Variants in CPLX1 observed in about 807,000 individuals in gnomAD.
CPLX1 encodes complexin 1.
A neutral mutation model predicts 15.6 loss-of-function variants in CPLX1; 6 were observed. The observed-to-expected ratio is 0.39, with a 90% CI of 0.21 to 0.76. The LOEUF (loss-of-function observed/expected upper bound fraction) is 0.76, where lower values mean the gene tolerates loss of function less well. Among genes scored for constraint, CPLX1 ranks in the 30% least tolerant of loss-of-function variants. The pLI, the probability that CPLX1 is intolerant of heterozygous loss-of-function variation, is 0.43. For missense variants in CPLX1, 242 were observed against 188.6 expected (o/e 1.28, Z -1.66); for synonymous variants, 91 against 75.2 (o/e 1.21, Z -1.08).
intron 2 of CPLX1, among the ~76,000 whole-genome samples, chr4:821,622 T>C (rs1277701395): frequency 2.0e-5 from 3 of 152,208 alleles, no homozygotes; most frequent in Non-Finnish European, 4.4e-5. Context: ...CTTTCTGGCC[T>C]GAGGAAACCA....
At chr4:789,953 T>TC in intron 3 of CPLX1, among the ~76,000 whole-genome samples, 1 of 76,054 alleles carries the variant, frequency 1.3e-5, no homozygotes, top group East Asian at 2.8e-4. Context: ...AAGGCAGGGT[T>TC]CCCCTACCCC....
At chr4:819,850 A>G (rs954026450) in intron 2 of CPLX1, among the ~76,000 whole-genome samples, 1 of 152,236 alleles carries the variant, frequency 6.6e-6, no homozygotes, top group South Asian at 2.1e-4. Context: ...CTGGAGCAGC[A>G]GCAGCCACTT....
intron 3 of CPLX1, among the ~76,000 whole-genome samples, chr4:789,513 G>A (rs577953417): frequency 2.3e-4 from 35 of 152,366 alleles, no homozygotes; most frequent in African/African-American, 7.9e-4. Flanking sequence ...GCTGCGGGGG[G>A]TAGGGGGATG....
rs749055234 is a variant in CPLX1, at chr4:792,445, G to T, written c.195C>A (p.Gly65=). 3.6e-5 allele frequency: 57 copies of T among 1,592,810 alleles called. No homozygotes were observed. The Middle Eastern group carries it at 7.1e-4, about 20-fold the overall frequency. ...GCCCGGCGCGCACCTTGTCTCGGAT[G>T]CCCTGGCGCACGGCCTCGCGCTCCG... is the stretch of plus-strand genomic sequence containing the variant. The part of the protein sequence containing the change: ...MEAEREAVRQ[G]IRDKYGIKKK... Residue 65 remains glycine (G), a synonymous_variant, in exon 3 of 4, where the codon GGC becomes GGA. Coordinates refer to ENST00000304062, the MANE Select transcript of CPLX1 (RefSeq NM_006651.4).
intron 2 of CPLX1, among the ~76,000 whole-genome samples, chr4:807,672 G>A (rs924965298): frequency 1.8e-4 from 27 of 151,842 alleles, no homozygotes; most frequent in African/African-American, 5.6e-4. Flanking sequence ...TAGTAGAGAT[G>A]GGGTTTTCAC....
chr4:788,381 C>T (rs559676315), intron 3 of CPLX1: 87 of 985,212 alleles, frequency 8.8e-5, no homozygotes, highest in East Asian at 2.3e-4. Flanking sequence ...GAAAGGAGGG[C>T]GCCACGTTCC....
intron 2 of CPLX1, 40 bp downstream of exon 2, chr4:824,452 G>A (rs1746935539): frequency 6.3e-7 from 1 of 1,575,554 alleles, no homozygotes; most frequent in Non-Finnish European, 8.7e-7. Flanking sequence ...GTCTCTCCAT[G>A]TCCCCTCAGC....
intron 3 of CPLX1, among the ~76,000 whole-genome samples, chr4:789,840 G>A (rs13130087): frequency 4.6e-5 from 7 of 151,652 alleles, no homozygotes; most frequent in South Asian, 4.1e-4. Context: ...CCAAGATGCC[G>A]GGGGGTGCCA....
rs1165640243 is a variant in CPLX1 at position 806,246 on chromosome 4, C to G, written c.32-13638G>C. ...CAGAATAGAGAACTCAGAAATAAGC[C>G]TGCACACCTACAATCATCTGATTTT... On this transcript the variant is annotated intron_variant, in intron 2 of 3. Coordinates refer to ENST00000304062, the MANE Select transcript of CPLX1 (RefSeq NM_006651.4). Among the ~76,000 whole-genome samples the G allele has an allele frequency of 3.3e-5, 5 of 152,250 alleles. No homozygotes were observed. The South Asian group carries it at 6.2e-4, about 19-fold the overall frequency.
At chr4:805,945 T>TG (rs1182118545) in intron 2 of CPLX1, among the ~76,000 whole-genome samples, 1 of 151,994 alleles carries the variant, frequency 6.6e-6, no homozygotes, top group Non-Finnish European at 1.5e-5. Context: ...TGCGAGGGGC[T>TG]GGGGGAAGGA....
chr4:801,647 G>A (rs1746462546), intron 2 of CPLX1, among the ~76,000 whole-genome samples: 1 of 152,228 alleles, frequency 6.6e-6, no homozygotes. Context: ...CCAACAGCCT[G>A]GGCGTGCAGG....
intron 2 of CPLX1, chr4:804,762 GGGGCTCGGGAA>G: frequency 1.0e-6 from 1 of 985,404 alleles, no homozygotes; most frequent in Admixed American, 6.1e-5. Context: ...GCACCTTGCG[GGGGCTCGGGAA>G]GTGCCTGCAG....
chr4:787,759 C>T (rs1475867131), intron 3 of CPLX1: 1 of 985,274 alleles, frequency 1.0e-6, no homozygotes, highest in East Asian at 1.1e-4. Flanking sequence ...GATCAATACG[C>T]CTCCCCACGC....
chr4:816,657 C>T (rs899787351), intron 2 of CPLX1, among the ~76,000 whole-genome samples: 3 of 151,314 alleles, frequency 2.0e-5, no homozygotes, highest in Non-Finnish European at 2.9e-5. Flanking sequence ...GGGACCCTGT[C>T]TTAAAAAAAA....
chr4:790,927 C>A (rs2152642578), intron 3 of CPLX1, among the ~76,000 whole-genome samples: 1 of 126,874 alleles, frequency 7.9e-6, no homozygotes, highest in Non-Finnish European at 1.7e-5. Context: ...TCTCTCTTTC[C>A]CTCTTTTTGT....
At chr4:788,555 G>T (rs1746071216) in intron 3 of CPLX1, 20 of 985,492 alleles carry the variant, frequency 2.0e-5, no homozygotes, top group Non-Finnish European at 2.4e-5. Context: ...GCACAACAGG[G>T]GCGACACCCA....
intron 2 of CPLX1, among the ~76,000 whole-genome samples, chr4:810,346 G>A (rs1000080660): frequency 6.6e-6 from 1 of 152,362 alleles, no homozygotes; most frequent in South Asian, 2.1e-4. Context: ...ACCACGCCCG[G>A]CCTTGGGTCT....
At chr4:803,374 A>G (rs1746494111) in intron 2 of CPLX1, among the ~76,000 whole-genome samples, 1 of 151,944 alleles carries the variant, frequency 6.6e-6, no homozygotes, top group Non-Finnish European at 1.5e-5. Flanking sequence ...GACAGCACCG[A>G]ATTCTCACGG....
At chr4:821,543 G>A (rs1746863175) in intron 2 of CPLX1, among the ~76,000 whole-genome samples, 1 of 152,228 alleles carries the variant, frequency 6.6e-6, no homozygotes, top group Non-Finnish European at 1.5e-5. Flanking sequence ...AGGGTCTGCA[G>A]TGACCACGGC....
Sources: allele counts gnomAD v4.1 joint callset (sites outside exome capture counted in the v4.1 genomes callset), GRCh38; gene constraint gnomAD v4.1.1; transcripts MANE v1.5; gene names NCBI Gene and HGNC (gene_info 2026-07-23, HGNC 2026-07-21).